Variants in KDM5A observed in about 807,000 individuals in gnomAD.
KDM5A encodes lysine-specific demethylase 5A.
KDM5A carries 42 observed loss-of-function variants against 193.5 expected under a neutral mutation model. The observed-to-expected ratio is 0.22, with a 90% CI of 0.17 to 0.28. The LOEUF is 0.28. Among genes scored for constraint, KDM5A ranks in the 10% least tolerant of loss-of-function variants. The probability of loss-of-function intolerance (pLI) is 1.00; values close to 1 mark genes in which losing one functional copy is unlikely to be tolerated. For missense variants in KDM5A, 1,692 were observed against 2,055.1 expected (o/e 0.82, Z 3.42); for synonymous variants, 796 against 718.1 (o/e 1.11, Z -1.73).
Position 306,928 on chromosome 12 carries a change from G to T in KDM5A, c.4074+18C>A, listed in dbSNP as rs765047533. The T allele has an allele frequency of 4.3e-6, 7 of 1,610,494 alleles. No individual in the cohort carries two copies. Among genetic ancestry groups the T allele is most frequent in the African/African-American group, 4.0e-5 (3 of 74,220 alleles). Reference sequence around the variant, plus strand: ...CAATGATCAGGTATGTACCCACACAGCTTGTCCATGTAACTACCTTCATGT... The same window carrying T: ...CAATGATCAGGTATGTACCCACACATCTTGTCCATGTAACTACCTTCATGT... On this transcript the variant is annotated intron_variant, in intron 24 of 27. Coordinates refer to ENST00000399788, the MANE Select transcript of KDM5A (RefSeq NM_001042603.3).
chr12:330,361 A>T (rs1943851019), intron 13 of KDM5A, among the ~76,000 whole-genome samples: 1 of 151,948 alleles, frequency 6.6e-6, no homozygotes, highest in Admixed American at 6.6e-5. Flanking sequence ...TTTATATCAC[A>T]CCCTTCTTCT....
At chr12:350,891 C>A in intron 9 of KDM5A, 112 bp from the exon 10 acceptor site, 2 of 973,540 alleles carry the variant, frequency 2.1e-6, no homozygotes, top group Non-Finnish European at 1.6e-6. Flanking sequence ...TAAAAATCTT[C>A]TGATTCCCTA....
chr12:296,069 AAC>A (rs1943367720), intron 25 of KDM5A, among the ~76,000 whole-genome samples: 1 of 152,168 alleles, frequency 6.6e-6, no homozygotes, highest in Admixed American at 6.5e-5. Flanking sequence ...TTGTAATCCC[AAC>A]ACTTTGGGAG....
At chr12:333,327 G>A in intron 12 of KDM5A, 160 bp downstream of exon 12, 1 of 738,060 alleles carries the variant, frequency 1.4e-6, no homozygotes, top group Middle Eastern at 2.7e-4. Flanking sequence ...GCTGAGGCAG[G>A]AGAACTGCTT....
At chr12:388,816 CAA>C (rs1591947176) in intron 1 of KDM5A, 109 bp downstream of exon 1, 1 of 1,340,996 alleles carries the variant, frequency 7.5e-7, no homozygotes. Context: ...CCAGTTGTCT[CAA>C]AAGAGAGTAC....
At position 291,986 on chromosome 12, in the gene KDM5A, T is replaced by A. The variant is rs201703883; in HGVS notation, c.4866+773A>T. ...GGAGCCATCCTGGCTTACTCCAACCTCTGCCTCCTGGGTTCAAGCGATTCC... is the reference window on the plus strand; with the variant it reads ...GGAGCCATCCTGGCTTACTCCAACCACTGCCTCCTGGGTTCAAGCGATTCC... On this transcript the variant is annotated intron_variant, in intron 27 of 27. Transcript: ENST00000399788. 8.7e-5 allele frequency among the ~76,000 whole-genome samples: 13 copies of A among 148,820 alleles called. No homozygotes were observed. The East Asian group carries it at 1.4e-3, about 16-fold the overall frequency.
chr12:381,926 C>G (rs956462913), intron 3 of KDM5A, among the ~76,000 whole-genome samples: 3 of 152,114 alleles, frequency 2.0e-5, no homozygotes, highest in Non-Finnish European at 4.4e-5. Context: ...CCTGCCTCAG[C>G]CTCTTGATTA....
chr12:313,679 G>A (rs998185647), intron 19 of KDM5A, among the ~76,000 whole-genome samples: 1 of 152,128 alleles, frequency 6.6e-6, no homozygotes. Flanking sequence ...ATTAACATTA[G>A]TTACACAAAG....
intron 10 of KDM5A, among the ~76,000 whole-genome samples, chr12:347,950 A>C (rs1270042973): frequency 6.6e-6 from 1 of 152,266 alleles, no homozygotes; most frequent in Non-Finnish European, 1.5e-5. Flanking sequence ...GTACAGCAAA[A>C]GAAACTACCA....
intron 11 of KDM5A, 137 bp from the exon 12 acceptor site, chr12:333,786 T>C (rs1943891720): frequency 1.2e-6 from 1 of 828,522 alleles, no homozygotes; most frequent in Non-Finnish European, 2.0e-6. Flanking sequence ...CTGGCAACCA[T>C]CTTATAAACC....
At chr12:328,250 T>C (rs560723683) in intron 14 of KDM5A, among the ~76,000 whole-genome samples, 3 of 152,204 alleles carry the variant, frequency 2.0e-5, no homozygotes, top group Non-Finnish European at 2.9e-5. Context: ...AGGAGGGACA[T>C]GATACAAAAA....
Position 309,872 on chromosome 12 carries a change from C to T in KDM5A, c.3309G>A (p.Lys1103=), listed in dbSNP as rs369374061. ...CACTCAGAGGCTCCAGGTCCAGATCCTTTTCTTTTTCTTTTTCTATTAGTT... is the reference window on the plus strand; with the variant it reads ...CACTCAGAGGCTCCAGGTCCAGATCTTTTTCTTTTTCTTTTTCTATTAGTT... ...VKELIEKEKE[K]DLDLEPLSDL... Residue 1103 remains lysine (K), a synonymous_variant, in exon 22 of 28, where the codon AAG becomes AAA. Transcript: ENST00000399788. The T allele has an allele frequency of 5.0e-6, 8 of 1,613,716 alleles. No homozygotes were observed. In the African/African-American group the frequency reaches 1.1e-4, roughly 22 times the overall value.
rs767654370 is a variant in KDM5A, at chr12:320,985, A to G, written c.2541+10T>C. ...AGGACATTACCCAAAAAAAGGATGT[A>G]ATACTCCACCTTTACTTGCCGAGCT... is the stretch of plus-strand genomic sequence containing the variant. On this transcript the variant is annotated intron_variant, in intron 18 of 27. Coordinates refer to ENST00000399788, the MANE Select transcript of KDM5A (RefSeq NM_001042603.3). The G allele has an allele frequency of 1.9e-6, 3 of 1,580,354 alleles. No homozygotes were observed. In the East Asian group the frequency reaches 6.7e-5, roughly 35 times the overall value.
rs1247040869 is a variant in KDM5A, at chr12:323,151, C to T, written c.2206G>A (p.Ala736Thr). 1.9e-6 allele frequency: 3 copies of T among 1,552,338 alleles called. No individual in the cohort carries two copies. The Admixed American group carries it at 5.3e-5, about 27-fold the overall frequency. The stretch of plus-strand genomic sequence containing the variant: ...CTGACCCAAGTGTCATAGGACTGTG[C>T]CCTGACTTTTACACCATATAGCAGA... Reference protein sequence around the residue: ...PSLLYGVKVRAQSYDTWVSRV... With the variant: ...PSLLYGVKVRTQSYDTWVSRV... The change falls in exon 16 of 28, where the codon GCA (alanine) becomes ACA (threonine). Residue 736 changes from alanine (A) to threonine (T), a missense_variant. Coordinates refer to ENST00000399788, the MANE Select transcript of KDM5A (RefSeq NM_001042603.3).
At position 372,741 on chromosome 12, in the gene KDM5A, CTCT is replaced by C. The variant is rs1449441695; in HGVS notation, c.367-6640_367-6638del. On this transcript the variant is annotated intron_variant, in intron 3 of 27. Transcript: ENST00000399788. ...TTGGCTGTGGGTTTGTCATAAATAG[CTCT>C]TATTATTTTGACATACGTCCCATCA... Among the ~76,000 whole-genome samples the C allele has an allele frequency of 2.0e-5, 3 of 152,264 alleles. 1 individual carries two copies. The highest frequency in any genetic ancestry group is 1.5e-5 in the Non-Finnish European group (1 of 68,028).
At chr12:374,289 G>A (rs1031589021) in intron 3 of KDM5A, among the ~76,000 whole-genome samples, 10 of 152,116 alleles carry the variant, frequency 6.6e-5, no homozygotes, top group African/African-American at 1.7e-4. Context: ...TATATATTTA[G>A]GATAGTTAGC....
Position 307,934 on chromosome 12 carries a change from G to C in KDM5A, c.3450C>G (p.Ala1150=). The C allele has an allele frequency of 1.1e-5, 17 of 1,614,124 alleles. No individual in the cohort carries two copies. Among genetic ancestry groups the C allele is most frequent in the Non-Finnish European group, 1.4e-5 (17 of 1,180,016 alleles). The change falls in exon 23 of 28, where the codon GCC becomes GCG. Residue 1150 remains alanine, a synonymous_variant. Transcript: ENST00000399788. The surrounding 1 kb of genome is among the most constrained non-coding windows in gnomAD (Gnocchi z 4.3). Reference sequence around the variant, plus strand: ...CTATGCGGTCCACCATTGTCATCTTGGCTAGGTTGGCTGCTCTGAGAGAAT... The same window carrying C: ...CTATGCGGTCCACCATTGTCATCTTCGCTAGGTTGGCTGCTCTGAGAGAAT... ...AMHSLRAANL[A]KMTMVDRIEE... is the part of the protein sequence containing the mutation.
chr12:378,274 CCT>C (rs1491357911), intron 3 of KDM5A, among the ~76,000 whole-genome samples: 1 of 151,950 alleles, frequency 6.6e-6, no homozygotes, highest in Non-Finnish European at 1.5e-5. Flanking sequence ...TTTTAAGCCC[CCT>C]TTTTTTTTTA....
intron 27 of KDM5A, among the ~76,000 whole-genome samples, chr12:287,260 A>T (rs1310215050): frequency 6.6e-6 from 1 of 152,170 alleles, no homozygotes; most frequent in African/African-American, 2.4e-5. Context: ...TGAACTCAGA[A>T]TATCTGGGGA....
Sources: gnomAD v4.1 joint callset for allele counts (sites outside exome capture counted in the v4.1 genomes callset) on GRCh38, gnomAD v4.1.1 for gene constraint, Gnocchi (gnomAD v3.1) non-coding constraint, MANE v1.5 for transcripts, NCBI Gene and HGNC (gene_info 2026-07-23, HGNC 2026-07-21) for gene names.